Variants in CREBBP observed in about 807,000 individuals in gnomAD.
CREBBP encodes the protein CREB binding lysine acetyltransferase, also known as CREB-binding protein.
CREBBP carries 19 observed loss-of-function variants against 265.0 expected under a neutral mutation model. The observed-to-expected ratio is 0.07, with a 90% CI of 0.05 to 0.11. The LOEUF is 0.11. CREBBP is among the 10% of genes least tolerant of loss of function. The pLI is 1.00. For missense variants in CREBBP, 2,525 were observed against 3,219.0 expected (o/e 0.78, Z 5.22); for synonymous variants, 1,457 against 1,223.7 (o/e 1.19, Z -3.98).
chr16:3,794,359 A>AAT (rs2053566099), intron 3 of CREBBP, among the ~76,000 whole-genome samples: 2 of 148,588 alleles, frequency 1.3e-5, no homozygotes, highest in African/African-American at 5.1e-5. Flanking sequence ...AAAAAAAAAA[A>AAT]AAAAAAGATT....
At position 3,879,996 on chromosome 16, in the gene CREBBP, G is replaced by C. The variant is rs749676292; in HGVS notation, c.-80C>G. 6 of 1,395,084 alleles carry C rather than the reference G, an allele frequency of 4.3e-6. No individual in the cohort carries two copies. The highest frequency in any genetic ancestry group is 4.0e-4 in the Middle Eastern group (2 of 4,972). 86.4% of individuals were successfully genotyped at this position (1,395,084 alleles called of 1,614,324 possible). A position where few individuals can be genotyped will look rare whatever the true frequency, so the allele number is the denominator to read the frequency against. On this transcript the variant is annotated 5_prime_UTR_variant, in exon 1 of 31. Coordinates refer to ENST00000262367, the MANE Select transcript of CREBBP (RefSeq NM_004380.3). ...CCGGACGGGGGTCGGGGGCCCTGCCGGCTGCGAGGGAGAGGAGCGAGCGCG... is the reference window on the plus strand; with the variant it reads ...CCGGACGGGGGTCGGGGGCCCTGCCCGCTGCGAGGGAGAGGAGCGAGCGCG...
intron 21 of CREBBP, chr16:3,745,644 A>C (rs759255961): frequency 4.3e-6 from 2 of 469,644 alleles, no homozygotes; most frequent in South Asian, 2.1e-5. Flanking sequence ...GCTGCGACAA[A>C]TACATATTTC....
chr16:3,849,147 C>T (rs1567359560), intron 2 of CREBBP, among the ~76,000 whole-genome samples: 3 of 152,176 alleles, frequency 2.0e-5, no homozygotes, highest in African/African-American at 4.8e-5. Flanking sequence ...CTGGTGGCTG[C>T]TGTTGAGAAG....
intron 2 of CREBBP, among the ~76,000 whole-genome samples, chr16:3,811,290 TG>T (rs1273794492): frequency 1.3e-5 from 2 of 152,146 alleles, no homozygotes; most frequent in African/African-American, 4.8e-5. Context: ...AACATGGGTT[TG>T]AACTGCATGG....
chr16:3,757,316 C>G lies in CREBBP; in HGVS notation c.3670G>C (p.Asp1224His), dbSNP rs777767339. 1 of 1,613,642 alleles carries G rather than the reference C, an allele frequency of 6.2e-7. No individual in the cohort carries two copies. Among genetic ancestry groups the G allele is most frequent in the Non-Finnish European group, 8.5e-7 (1 of 1,179,874 alleles). Reference sequence around the variant, plus strand: ...TTCTGATAGCTGTAGTAGGCAGCATCGCGAGGAATGGTACACAGCTGCTTC... The same window carrying G: ...TTCTGATAGCTGTAGTAGGCAGCATGGCGAGGAATGGTACACAGCTGCTTC... Reference protein sequence around the residue: ...YGKQLCTIPRDAAYYSYQNRY... With the variant: ...YGKQLCTIPRHAAYYSYQNRY... Residue 1224 changes from aspartate to histidine, a missense_variant, in exon 19 of 31, where the codon GAT becomes CAT. By Grantham distance (81) the Asp-to-His change is moderately conservative (BLOSUM62 -1). Transcript: ENST00000262367.
chr16:3,838,912 A>G (rs1334391257), intron 2 of CREBBP, among the ~76,000 whole-genome samples: 5 of 152,166 alleles, frequency 3.3e-5, no homozygotes, highest in Non-Finnish European at 5.9e-5. Flanking sequence ...TTATCACTTC[A>G]AATGTTGTGT....
intron 13 of CREBBP, among the ~76,000 whole-genome samples, chr16:3,772,220 AAAAT>A (rs942773295): frequency 1.1e-4 from 17 of 152,032 alleles, no homozygotes; most frequent in Middle Eastern, 3.4e-3. Context: ...TGGGGACTAT[AAAAT>A]AAATAAATAA....
At position 3,773,770 on chromosome 16, in the gene CREBBP, G is replaced by C. The variant is rs1006132887; in HGVS notation, c.2444C>G (p.Ala815Gly). 1.9e-6 allele frequency: 3 copies of C among 1,613,840 alleles called. No homozygotes were observed. In the African/African-American group the frequency reaches 4.0e-5, roughly 22 times the overall value. ...AMSVGMGQPP[A>G]QTGVSQGQVP... ...CAGTACCTGTGACACGCCTGTTTGG[G>C]CTGGCGGCTGCCCCATGCCCACACT... is the stretch of plus-strand genomic sequence containing the variant. The change falls in exon 13 of 31, where the codon GCC becomes GGC. Residue 815 changes from alanine (A) to glycine (G), a missense_variant. By Grantham distance (60) the Ala-to-Gly change is moderately conservative (BLOSUM62 0). Coordinates refer to ENST00000262367, the MANE Select transcript of CREBBP (RefSeq NM_004380.3).
intron 26 of CREBBP, chr16:3,737,102 G>A (rs1324400251): frequency 9.6e-6 from 5 of 519,978 alleles, no homozygotes; most frequent in African/African-American, 5.7e-5. Context: ...CAGGGAATAT[G>A]ATGGCTCATC....
At chr16:3,772,659 C>T (rs552960017) in intron 13 of CREBBP, among the ~76,000 whole-genome samples, 50 of 152,004 alleles carry the variant, frequency 3.3e-4, no homozygotes, top group African/African-American at 5.8e-4. Context: ...GCCCTTTACA[C>T]GAAGTTTGCT....
At chr16:3,849,054 C>A (rs1301714899) in intron 2 of CREBBP, among the ~76,000 whole-genome samples, 1 of 152,196 alleles carries the variant, frequency 6.6e-6, no homozygotes, top group Non-Finnish European at 1.5e-5. Flanking sequence ...CTCACCCCTA[C>A]TTGGGACTAA....
At chr16:3,815,890 TATTC>T (rs1301422019) in intron 2 of CREBBP, among the ~76,000 whole-genome samples, 9 of 152,090 alleles carry the variant, frequency 5.9e-5, no homozygotes, top group Non-Finnish European at 1.0e-4. Flanking sequence ...TACAAAGTCT[TATTC>T]ATTCTTTTTT....
intron 5 of CREBBP, among the ~76,000 whole-genome samples, chr16:3,786,804 G>A (rs2053397716): frequency 6.6e-6 from 1 of 152,188 alleles, no homozygotes; most frequent in East Asian, 1.9e-4. Context: ...TATTCAGGTG[G>A]CTCACGCCTG....
intron 1 of CREBBP, among the ~76,000 whole-genome samples, chr16:3,864,455 G>A (rs1260566690): frequency 1.3e-5 from 2 of 152,056 alleles, no homozygotes; most frequent in African/African-American, 4.8e-5. Flanking sequence ...GACCAGCCTG[G>A]GCAACATAGC....
intron 1 of CREBBP, among the ~76,000 whole-genome samples, chr16:3,873,543 T>C (rs990869686): frequency 1.3e-5 from 2 of 152,342 alleles, no homozygotes; most frequent in Admixed American, 6.5e-5. Flanking sequence ...CAGTAAGTCC[T>C]AGGACTTACA....
intron 4 of CREBBP, 148 bp downstream of exon 4, chr16:3,793,238 G>C: frequency 9.5e-7 from 1 of 1,052,272 alleles, no homozygotes; most frequent in African/African-American, 1.6e-5. Context: ...CGTCGCGTGG[G>C]GAACGTGAGC....
At chr16:3,741,411 T>A (rs1596815575) in intron 23 of CREBBP, 1 of 152,266 alleles carries the variant, frequency 6.6e-6, no homozygotes, top group African/African-American at 2.4e-5. Context: ...CTTAGCGAGC[T>A]AGAAAATTTA....
At chr16:3,849,481 G>A (rs1417275357) in intron 2 of CREBBP, among the ~76,000 whole-genome samples, 1 of 122,416 alleles carries the variant, frequency 8.2e-6, no homozygotes, top group South Asian at 2.8e-4. Flanking sequence ...GTGTGTGTGT[G>A]TGTGTGTGAT....
At chr16:3,746,087 G>A (rs555765549) in intron 21 of CREBBP, among the ~76,000 whole-genome samples, 46 of 152,304 alleles carry the variant, frequency 3.0e-4, no homozygotes, top group African/African-American at 1.1e-3. Context: ...TTGAGGTCAA[G>A]ACCTTGGGTT....
Sources: gnomAD v4.1 joint callset for allele counts (sites outside exome capture counted in the v4.1 genomes callset) on GRCh38, gnomAD v4.1.1 for gene constraint, MANE v1.5 for transcripts, NCBI Gene and HGNC (gene_info 2026-07-23, HGNC 2026-07-21) for gene names.